Variants in ADAMTSL1 observed in about 807,000 individuals in gnomAD.
ADAMTSL1 encodes ADAMTS-like protein 1.
Under a neutral mutation model 201.8 loss-of-function variants are expected in ADAMTSL1, and 126 were observed. That is an observed-to-expected ratio of 0.62 (90% CI 0.54 to 0.72). The LOEUF is 0.72. ADAMTSL1 is among the 30% of genes least tolerant of loss of function. The pLI is 0.00. For missense variants in ADAMTSL1, 2,679 were observed against 2,277.8 expected, an observed-to-expected ratio of 1.18 and a Z score of -3.59; for synonymous variants, 1,121 against 903.4, an observed-to-expected ratio of 1.24 and a Z score of -4.32.
intron 2 of ADAMTSL1, among the ~76,000 whole-genome samples, chr9:18,328,653 C>T (rs140373442): frequency 5.9e-5 from 9 of 152,256 alleles, no homozygotes; most frequent in East Asian, 1.9e-4. Flanking sequence ...TACACTGTGC[C>T]GCATCTCATC....
chr9:18,168,568 T>C (rs1827741800), intron 2 of ADAMTSL1, among the ~76,000 whole-genome samples: 1 of 151,638 alleles, frequency 6.6e-6, no homozygotes, highest in Non-Finnish European at 1.5e-5. Flanking sequence ...CTATTGTGAA[T>C]AATGCCGCAC....
intron 1 of ADAMTSL1, among the ~76,000 whole-genome samples, chr9:18,071,796 G>T (rs985771133): frequency 6.6e-6 from 1 of 152,190 alleles, no homozygotes; most frequent in Non-Finnish European, 1.5e-5. Context: ...TGCGTTGTGT[G>T]TTCCAGGATG....
chr9:18,254,345 GTTTTTTTTTTTTTTTT>G (rs59026505), intron 2 of ADAMTSL1, among the ~76,000 whole-genome samples: 37 of 49,362 alleles, frequency 7.5e-4, no homozygotes, highest in African/African-American at 2.4e-3. Flanking sequence ...ACTCTTTTTG[GTTTTTTTTTTTTTTTT>G]TTTTTTTTTT....
chr9:18,662,497 G>A (rs891187189), intron 9 of ADAMTSL1, among the ~76,000 whole-genome samples: 7 of 152,042 alleles, frequency 4.6e-5, no homozygotes, highest in African/African-American at 1.7e-4. Flanking sequence ...CATATTTCAG[G>A]GCCACAGCTG....
intron 23 of ADAMTSL1, among the ~76,000 whole-genome samples, chr9:18,859,699 G>A (rs1473024475): frequency 6.6e-6 from 1 of 152,168 alleles, no homozygotes; most frequent in East Asian, 1.9e-4. Flanking sequence ...GTAACCTAGG[G>A]AAATATTTGG....
chr9:18,351,015 T>A (rs1388260276), intron 2 of ADAMTSL1, among the ~76,000 whole-genome samples: 1 of 152,134 alleles, frequency 6.6e-6, no homozygotes, highest in Non-Finnish European at 1.5e-5. Context: ...GAATTGCATC[T>A]CACATAAATG....
At chr9:18,281,480 T>C (rs1832787830) in intron 2 of ADAMTSL1, among the ~76,000 whole-genome samples, 1 of 152,164 alleles carries the variant, frequency 6.6e-6, no homozygotes, top group Non-Finnish European at 1.5e-5. Context: ...TTCGGTACAG[T>C]CTAGGACTCT....
At chr9:18,142,378 G>A (rs559633085) in intron 1 of ADAMTSL1, among the ~76,000 whole-genome samples, 2 of 152,282 alleles carry the variant, frequency 1.3e-5, no homozygotes, top group South Asian at 4.1e-4. Context: ...GTGGAATAGG[G>A]AACAATGAAA....
At chr9:18,843,769 C>T (rs1825893776) in intron 23 of ADAMTSL1, among the ~76,000 whole-genome samples, 1 of 150,970 alleles carries the variant, frequency 6.6e-6, no homozygotes, top group African/African-American at 2.5e-5. Context: ...TCCCTTCTCA[C>T]TTCATTTCAT....
chr9:18,463,823 C>G (rs151241300), intron 2 of ADAMTSL1, among the ~76,000 whole-genome samples: 3 of 152,140 alleles, frequency 2.0e-5, no homozygotes, highest in African/African-American at 7.2e-5. Context: ...TGAACATGGG[C>G]GTACAAATAT....
Position 17,969,557 on chromosome 9 carries a change from A to G in ADAMTSL1, c.87+62635A>G, listed in dbSNP as rs534119510. On this transcript the variant is annotated intron_variant, in intron 1 of 29. Transcript: ENST00000680146. The stretch of plus-strand genomic sequence containing the variant: ...CCTTTACACATCTTACCTTTTTTCC[A>G]TAACTAAGAAAATGATCACGAGCAC... Among the ~76,000 whole-genome samples the G allele has an allele frequency of 4.6e-5, 7 of 152,184 alleles. No homozygotes were observed. The East Asian group carries it at 1.4e-3, about 29-fold the overall frequency.
chr9:18,513,825 CTGTCTTTACACCAAGG>C (rs1818188001), intron 2 of ADAMTSL1, among the ~76,000 whole-genome samples: 2 of 152,294 alleles, frequency 1.3e-5, no homozygotes, highest in East Asian at 1.9e-4. Context: ...GTGTATATGT[CTGTCTTTACACCAAGG>C]TGTCTTTACA....
intron 2 of ADAMTSL1, among the ~76,000 whole-genome samples, chr9:18,254,364 T>TTG (rs1831589084): frequency 3.5e-5 from 4 of 113,646 alleles, no homozygotes; most frequent in African/African-American, 6.9e-5. Context: ...TTTTTTTTTT[T>TTG]TTTTTTTTTT....
At chr9:18,407,264 G>T (rs929069254) in intron 2 of ADAMTSL1, among the ~76,000 whole-genome samples, 6 of 152,186 alleles carry the variant, frequency 3.9e-5, no homozygotes, top group Non-Finnish European at 5.9e-5. Flanking sequence ...GGAAAATTTT[G>T]TCAAATGATT....
At chr9:18,523,891 G>A (rs1171890560) in intron 2 of ADAMTSL1, among the ~76,000 whole-genome samples, 1 of 135,110 alleles carries the variant, frequency 7.4e-6, no homozygotes, top group African/African-American at 2.8e-5. Flanking sequence ...CTCCAGCTTT[G>A]TTCGTTTGGC....
chr9:18,799,574 G>C (rs1010846764), intron 20 of ADAMTSL1, among the ~76,000 whole-genome samples: 1 of 152,158 alleles, frequency 6.6e-6, no homozygotes, highest in Non-Finnish European at 1.5e-5. Context: ...GATTTTATAA[G>C]ATCACAAAAG....
chr9:18,716,668 A>G (rs925975974), intron 14 of ADAMTSL1, among the ~76,000 whole-genome samples: 1 of 147,482 alleles, frequency 6.8e-6, no homozygotes, highest in Non-Finnish European at 1.5e-5. Context: ...ACCATTGTGG[A>G]AGTCAGTGTG....
At chr9:18,151,830 C>T (rs537453356) in intron 1 of ADAMTSL1, among the ~76,000 whole-genome samples, 4 of 152,044 alleles carry the variant, frequency 2.6e-5, no homozygotes, top group Admixed American at 2.0e-4. Flanking sequence ...AAATGAGGTG[C>T]CAGGAGTTGT....
chr9:18,305,727 C>T (rs1413876358), intron 2 of ADAMTSL1, among the ~76,000 whole-genome samples: 1 of 152,222 alleles, frequency 6.6e-6, no homozygotes, highest in Non-Finnish European at 1.5e-5. Flanking sequence ...ATAGAGCAAA[C>T]TCCCATCTCC....
Sources: gnomAD v4.1 joint callset for allele counts (sites outside exome capture counted in the v4.1 genomes callset) on GRCh38, gnomAD v4.1.1 for gene constraint, MANE v1.5 for transcripts, NCBI Gene and HGNC (gene_info 2026-07-23, HGNC 2026-07-21) for gene names.